Variants in SUPT3H observed in about 807,000 individuals in gnomAD.
SUPT3H encodes SPT3 homolog, SAGA and STAGA complex component.
SUPT3H carries 44 observed loss-of-function variants against 44.3 expected under a neutral mutation model. The ratio of observed to expected loss-of-function variants is 0.99; its 90% confidence interval spans 0.78 to 1.28. SUPT3H has a LOEUF of 1.28. SUPT3H is among the 50% of genes most tolerant of loss of function. The pLI is 0.00. For missense variants in SUPT3H, 380 were observed against 387.1 expected (o/e 0.98, Z 0.15); for synonymous variants, 124 against 125.6 (o/e 0.99, Z 0.09).
intron 10 of SUPT3H, among the ~76,000 whole-genome samples, chr6:44,850,911 C>T (rs186875504): frequency 1.6e-4 from 24 of 152,096 alleles, no homozygotes; most frequent in African/African-American, 4.8e-4. Context: ...GTTTATCTAG[C>T]GGTTTCTGAT....
intron 6 of SUPT3H, among the ~76,000 whole-genome samples, chr6:44,969,313 A>G (rs1231325365): frequency 6.6e-6 from 1 of 152,234 alleles, no homozygotes; most frequent in African/African-American, 2.4e-5. Context: ...ATACACGGAA[A>G]GTCTGGAAGC....
intron 2 of SUPT3H, among the ~76,000 whole-genome samples, chr6:45,216,632 C>T (rs1182094943): frequency 2.6e-5 from 4 of 152,040 alleles, no homozygotes; most frequent in Non-Finnish European, 5.9e-5. Context: ...AATGGAAATT[C>T]AAAATGAGCA....
chr6:45,339,541 A>T (rs981969732), intron 2 of SUPT3H, among the ~76,000 whole-genome samples: 4 of 152,140 alleles, frequency 2.6e-5, no homozygotes, highest in Non-Finnish European at 5.9e-5. Flanking sequence ...GTCAATGGTT[A>T]TGTGTTTAAC....
intron 2 of SUPT3H, among the ~76,000 whole-genome samples, chr6:45,216,612 AT>A (rs1765102083): frequency 2.0e-5 from 3 of 152,216 alleles, no homozygotes; most frequent in Admixed American, 6.5e-5. Context: ...TGCCAAAGGT[AT>A]GCCATGCAAA....
At chr6:45,364,196 C>T (rs1222100218) in intron 2 of SUPT3H, among the ~76,000 whole-genome samples, 4 of 151,942 alleles carry the variant, frequency 2.6e-5, no homozygotes, top group Non-Finnish European at 4.4e-5. Context: ...TCTTCAGGAT[C>T]TTCAATGATT....
In SUPT3H at chr6:44,876,577, G is replaced by A. The variant is rs867324786; in HGVS notation, c.913-46720C>T. On this transcript the variant is annotated intron_variant, in intron 10 of 10. Coordinates refer to ENST00000371459, the MANE Select transcript of SUPT3H (RefSeq NM_003599.4). ...TAGATGATACGTTAGTGGGTGCAGC[G>A]CACCAGCATGGCACATGTATACATA... 6.2e-3 allele frequency among the ~76,000 whole-genome samples: 922 copies of A among 147,862 alleles called. 11 individuals carry two copies. Among genetic ancestry groups the A allele is most frequent in the African/African-American group, 0.021 (823 of 40,024 alleles).
intron 2 of SUPT3H, among the ~76,000 whole-genome samples, chr6:45,305,578 C>T (rs1782863753): frequency 6.6e-6 from 1 of 152,174 alleles, no homozygotes; most frequent in South Asian, 2.1e-4. Flanking sequence ...CATTCAAGCC[C>T]TCAGCATTGT....
At chr6:44,835,610 C>T (rs1318195405) in intron 10 of SUPT3H, among the ~76,000 whole-genome samples, 1 of 152,130 alleles carries the variant, frequency 6.6e-6, no homozygotes, top group African/African-American at 2.4e-5. Flanking sequence ...CAGGCTTTCA[C>T]TAACTCTTAC....
At chr6:44,810,710 A>T (rs1317198428) in intron 11 of SUPT3H, among the ~76,000 whole-genome samples, 1 of 152,024 alleles carries the variant, frequency 6.6e-6, no homozygotes, top group African/African-American at 2.4e-5. Context: ...GATTGAGACC[A>T]TCCTGGCCAA....
chr6:44,961,879 A>C, intron 6 of SUPT3H, 51 bp from the exon 7 acceptor site: 2 of 1,385,254 alleles, frequency 1.4e-6, no homozygotes. Context: ...ATTATTATAT[A>C]TGTTTTCACA....
chr6:44,847,939 T>C (rs1489062764), intron 10 of SUPT3H, among the ~76,000 whole-genome samples: 2 of 151,518 alleles, frequency 1.3e-5, no homozygotes, highest in Non-Finnish European at 2.9e-5. Context: ...TCTTCTAGTG[T>C]TGACAGTTAT....
downstream of SUPT3H, among the ~76,000 whole-genome samples, chr6:44,825,073 G>A (rs964448362): frequency 6.6e-6 from 1 of 152,172 alleles, no homozygotes; most frequent in African/African-American, 2.4e-5. Context: ...AGCGTGAAAC[G>A]GTAGCCTGTA....
At chr6:44,905,143 T>C (rs1401704534) in intron 10 of SUPT3H, among the ~76,000 whole-genome samples, 1 of 151,936 alleles carries the variant, frequency 6.6e-6, no homozygotes, top group Non-Finnish European at 1.5e-5. Context: ...CCAAAAGCAA[T>C]GGCAACAGAA....
intron 3 of SUPT3H, among the ~76,000 whole-genome samples, chr6:45,084,438 G>A (rs1194697981): frequency 6.6e-6 from 1 of 152,068 alleles, no homozygotes; most frequent in Non-Finnish European, 1.5e-5. Flanking sequence ...AAACCACAAT[G>A]AGGTACCATC....
chr6:45,362,450 A>C (rs1029023680), intron 2 of SUPT3H, among the ~76,000 whole-genome samples: 4 of 152,220 alleles, frequency 2.6e-5, no homozygotes, highest in Non-Finnish European at 5.9e-5. Context: ...TAAACATAGC[A>C]GAATAAGTCC....
intron 2 of SUPT3H, among the ~76,000 whole-genome samples, chr6:45,129,410 C>T (rs966527081): frequency 3.9e-5 from 6 of 152,168 alleles, no homozygotes; most frequent in African/African-American, 9.7e-5. Context: ...GGAATCAAGT[C>T]CTCGCACAAC....
intron 3 of SUPT3H, among the ~76,000 whole-genome samples, chr6:45,105,111 T>C (rs912262171): frequency 2.6e-5 from 4 of 151,826 alleles, no homozygotes; most frequent in South Asian, 4.1e-4. Context: ...TACCTATATA[T>C]ATAAATTAAG....
intron 3 of SUPT3H, among the ~76,000 whole-genome samples, chr6:45,093,050 AAAC>A (rs1797347052): frequency 6.6e-6 from 1 of 152,140 alleles, no homozygotes; most frequent in South Asian, 2.1e-4. Flanking sequence ...ACCCCTAATA[AAAC>A]AACTAACACA....
chr6:44,870,111 C>T (rs113879125), intron 10 of SUPT3H, among the ~76,000 whole-genome samples: 4,084 of 152,280 alleles, frequency 0.027, 105 homozygotes, highest in South Asian at 0.12. Context: ...CCAACCTGGT[C>T]CTTTTTAGTG....
Sources: gnomAD v4.1 joint callset for allele counts (sites outside exome capture counted in the v4.1 genomes callset) on GRCh38, gnomAD v4.1.1 for gene constraint, MANE v1.5 for transcripts, NCBI Gene and HGNC (gene_info 2026-07-23, HGNC 2026-07-21) for gene names.